The following LRP2BP variants were observed in gnomAD, a reference collection of about 807,000 sequenced individuals.
LRP2BP encodes LRP2-binding protein.
LRP2BP carries 38 observed loss-of-function variants against 45.2 expected under a neutral mutation model. The ratio of observed to expected loss-of-function variants is 0.84; its 90% CI spans 0.65 to 1.10. The LOEUF (loss-of-function observed/expected upper bound fraction) is 1.10, where lower values mean the gene tolerates loss of function less well. Among genes scored for constraint, LRP2BP ranks in the 50% least tolerant of loss-of-function variants. The pLI, the probability that LRP2BP is intolerant of heterozygous loss-of-function variation, is 0.00. For synonymous variants in LRP2BP, 153 were observed against 153.9 expected (o/e 0.99, Z 0.04); for missense variants, 385 against 418.9 (o/e 0.92, Z 0.71).
chr4:185,390,085 C>T (rs1000404904), intron 1 of LRP2BP, among the ~76,000 whole-genome samples: 1 of 152,106 alleles, frequency 6.6e-6, no homozygotes, highest in Non-Finnish European at 1.5e-5. Flanking sequence ...AGAATTCTTT[C>T]CCCCATATTT....
chr4:185,369,749 G>A (rs2095408582), intron 8 of LRP2BP: 2 of 445,662 alleles, frequency 4.5e-6, no homozygotes, highest in African/African-American at 4.0e-5. Flanking sequence ...GAATCCCACA[G>A]GGAACTTCAA....
intron 2 of LRP2BP, 181 bp downstream of exon 2, chr4:185,377,900 C>T (rs1385705706): frequency 8.9e-6 from 5 of 561,592 alleles, no homozygotes; most frequent in East Asian, 3.0e-5. Context: ...ACCTCACTGA[C>T]GATTTGCTAC....
intron 1 of LRP2BP, among the ~76,000 whole-genome samples, chr4:185,391,110 A>G (rs1026607349): frequency 2.6e-5 from 4 of 152,170 alleles, no homozygotes; most frequent in African/African-American, 9.7e-5. Context: ...TAACCTTCAC[A>G]GTTTTGAGGA....
rs2095378308 is a variant in LRP2BP at position 185,364,120 on chromosome 4, CAAAAT to C, written c.*3055_*3059del. ...AAAAGTTTGCTGCCTTCTCCAGAAA[CAAAAT>C]AAATCTGTAAAATATATGATTTTTA... On this transcript the variant is annotated 3_prime_UTR_variant, in exon 9 of 9. Transcript: ENST00000505916. 2 of 152,268 alleles carry C rather than the reference CAAAAT, an allele frequency of 1.3e-5. No homozygotes were observed. Among genetic ancestry groups the C allele is most frequent in the Admixed American group, 6.5e-5 (1 of 15,278 alleles). The allele number at this position is 152,268 out of a possible 1,614,324, so 9.4% of individuals were successfully genotyped here.
intron 1 of LRP2BP, among the ~76,000 whole-genome samples, chr4:185,388,105 G>A (rs570713740): frequency 2.6e-5 from 4 of 152,186 alleles, no homozygotes; most frequent in Non-Finnish European, 4.4e-5. Flanking sequence ...CAGGCCTGTG[G>A]CACAGCTAGA....
intron 4 of LRP2BP, 95 bp downstream of exon 4, chr4:185,375,518 A>ATATATATATATATATATATG (rs1554018477): frequency 7.9e-6 from 1 of 126,920 alleles, no homozygotes; most frequent in African/African-American, 3.3e-5. Flanking sequence ...ATATATATGT[A>ATATATATATATATATATATG]TATATATATG....
chr4:185,389,470 A>ATTCT (rs1314929803), intron 1 of LRP2BP, among the ~76,000 whole-genome samples: 2 of 152,166 alleles, frequency 1.3e-5, no homozygotes, highest in Non-Finnish European at 2.9e-5. Flanking sequence ...TCAGCCTCCC[A>ATTCT]AAGTGCTGGG....
upstream of LRP2BP, chr4:185,397,276 CA>C: frequency 6.2e-7 from 1 of 1,614,074 alleles, no homozygotes; most frequent in African/African-American, 1.3e-5. Context: ...CTGGCAGCTG[CA>C]AACGGGCGCT....
At chr4:185,378,292 A>G (rs2095444919) in intron 1 of LRP2BP, 85 bp from the exon 2 acceptor site, 1 of 1,523,678 alleles carries the variant, frequency 6.6e-7, no homozygotes, top group Non-Finnish European at 8.8e-7. Flanking sequence ...CCAGGTGCTC[A>G]TTAGGAAAAG....
At position 185,374,144 on chromosome 4, in the gene LRP2BP, CTCCTT is replaced by C. The variant is rs1561079388; in HGVS notation, c.565_569del (p.Lys189ValfsTer65). 1.2e-6 allele frequency: 2 copies of C among 1,613,772 alleles called. No homozygotes were observed. The highest frequency in any genetic ancestry group is 2.2e-5 in the South Asian group (2 of 91,046). On this transcript the variant is annotated frameshift_variant, in exon 6 of 9. Coordinates refer to ENST00000505916, the MANE Select transcript of LRP2BP (RefSeq NM_001377440.1). LOFTEE classifies it high-confidence loss of function. ...AAAGAGGGAACGTTACCTTTTCTAA[CTCCTT>C]GGGCTCCTTGGTTGAGTAATACAGC...
At position 185,378,283 on chromosome 4, in the gene LRP2BP, C is replaced by G. The variant is rs78751239; in HGVS notation, c.-21-76G>C. On this transcript the variant is annotated intron_variant, in intron 1 of 8. Coordinates refer to ENST00000505916, the MANE Select transcript of LRP2BP (RefSeq NM_001377440.1). ...GTGCAAAGAGAGACTCTATTCCCAC[C>G]AGGTGCTCATTAGGAAAAGCATCCT... 4,051 of 1,541,858 alleles carry G rather than the reference C, an allele frequency of 2.6e-3. 7 individuals are homozygous for G. The highest frequency in any genetic ancestry group is 3.3e-3 in the Non-Finnish European group (3,776 of 1,149,472).
chr4:185,377,412 G>GGAGACTCT lies in LRP2BP; in HGVS notation c.107-395_107-394insAGAGTCTC, dbSNP rs577574101. On this transcript the variant is annotated intron_variant, in intron 2 of 8. Transcript: ENST00000505916. ...GCATGCCTATAATCCCAGCTACTCGGGAGACTCAGGCAGGAGAATAGCTTG... is the reference window on the plus strand; with the variant it reads ...GCATGCCTATAATCCCAGCTACTCGGGAGACTCTGAGACTCAGGCAGGAGAATAGCTTG... The GGAGACTCT allele has an allele frequency of 2.6e-3, 438 of 166,928 alleles. 6 individuals are homozygous for GGAGACTCT. The highest frequency in any genetic ancestry group is 9.9e-3 in the African/African-American group (417 of 42,054). 10.3% of individuals were successfully genotyped at this position (166,928 alleles called of 1,614,324 possible).
Position 185,367,155 on chromosome 4 carries a change from G to A in LRP2BP, c.*25C>T. On this transcript the variant is annotated 3_prime_UTR_variant, in exon 9 of 9. Coordinates refer to ENST00000505916, the MANE Select transcript of LRP2BP (RefSeq NM_001377440.1). ...CACATTGTGAGGTGTTAGCATTGATGATCTTTGTTGAAATACATTGTGGTC... is the reference window on the plus strand; with the variant it reads ...CACATTGTGAGGTGTTAGCATTGATAATCTTTGTTGAAATACATTGTGGTC... 1 of 1,592,046 alleles carries A rather than the reference G, an allele frequency of 6.3e-7. No individual in the cohort carries two copies. Among genetic ancestry groups the A allele is most frequent in the Non-Finnish European group, 8.6e-7 (1 of 1,162,836 alleles).
chr4:185,372,058 C>G (rs748384045), intron 7 of LRP2BP, among the ~76,000 whole-genome samples: 3 of 152,100 alleles, frequency 2.0e-5, no homozygotes, highest in African/African-American at 4.8e-5. Context: ...CGAGAAAAGA[C>G]GTCTTTTATA....
At chr4:185,379,127 T>G in intron 1 of LRP2BP, 1 of 280,958 alleles carries the variant, frequency 3.6e-6, no homozygotes, top group Non-Finnish European at 5.4e-6. Flanking sequence ...AGAGTCAATT[T>G]CCTCATCTTT....
chr4:185,373,114 A>T, intron 6 of LRP2BP, 35 bp from the exon 7 acceptor site: 1 of 1,550,048 alleles, frequency 6.5e-7, no homozygotes. Flanking sequence ...TGTATTTGTG[A>T]TCCACTAGAT....
chr4:185,368,795 G>GT (rs34691416), intron 8 of LRP2BP, among the ~76,000 whole-genome samples: 18,394 of 132,950 alleles, frequency 0.14, 1,604 homozygotes, highest in African/African-American at 0.24. Context: ...AATCTGTTTT[G>GT]TTTTTTTTTT....
chr4:185,394,732 C>G (rs2095497297), intron 1 of LRP2BP, 47 bp downstream of exon 1: 19 of 984,324 alleles, frequency 1.9e-5, no homozygotes, highest in Admixed American at 6.2e-5. Flanking sequence ...CAAACTCTTA[C>G]TACTCAAGAT....
intron 4 of LRP2BP, 55 bp from the exon 5 acceptor site, chr4:185,374,516 A>G: frequency 6.3e-7 from 1 of 1,585,178 alleles, no homozygotes; most frequent in South Asian, 1.1e-5. Flanking sequence ...CCCAAACTGA[A>G]TTTCTTTCTC....
Sources: allele counts gnomAD v4.1 joint callset (sites outside exome capture counted in the v4.1 genomes callset), GRCh38; gene constraint gnomAD v4.1.1; transcripts MANE v1.5; gene names NCBI Gene and HGNC (gene_info 2026-07-23, HGNC 2026-07-21).